Variants in MAP4K5 observed in about 807,000 individuals in gnomAD.
MAP4K5 encodes the protein MAPK/ERK kinase kinase kinase 5.
In MAP4K5, 82 loss-of-function variants were observed where a neutral mutation model predicts 135.6. The ratio of observed to expected loss-of-function variants is 0.60; its 90% CI spans 0.51 to 0.73. The LOEUF (loss-of-function observed/expected upper bound fraction) is 0.73. Among genes scored for constraint, MAP4K5 ranks in the 30% least tolerant of loss-of-function variants. The pLI, the probability that MAP4K5 is intolerant of heterozygous loss-of-function variation, is 0.00. For synonymous variants in MAP4K5, 347 were observed against 335.0 expected, an observed-to-expected ratio of 1.04 and a Z score of -0.39; for missense variants, 907 against 1,010.9, an observed-to-expected ratio of 0.90 and a Z score of 1.39.
At chr14:50,423,395 G>T (rs1470365688) in intron 31 of MAP4K5, among the ~76,000 whole-genome samples, 1 of 150,982 alleles carries the variant, frequency 6.6e-6, no homozygotes. Context: ...CTACTTAGAA[G>T]AACTCTTTGT....
chr14:50,560,157 A>G, intron 1 of MAP4K5: 1 of 1,340,076 alleles, frequency 7.5e-7, no homozygotes, highest in Non-Finnish European at 1.1e-6. Context: ...AGTCTGAGCG[A>G]ACTGCGCCCA....
intron 2 of MAP4K5, among the ~76,000 whole-genome samples, chr14:50,523,255 G>A (rs554829831): frequency 6.6e-6 from 1 of 152,148 alleles, no homozygotes; most frequent in African/African-American, 2.4e-5. Context: ...AGGTTGCGGT[G>A]AGCTGAGATC....
intron 2 of MAP4K5, among the ~76,000 whole-genome samples, chr14:50,539,148 A>T (rs1365983652): frequency 1.3e-5 from 2 of 152,244 alleles, no homozygotes; most frequent in African/African-American, 4.8e-5. Flanking sequence ...TTACTTGTAT[A>T]AACTACTTGC....
intron 14 of MAP4K5, among the ~76,000 whole-genome samples, chr14:50,452,896 T>C (rs192051516): frequency 3.3e-5 from 5 of 152,340 alleles, no homozygotes; most frequent in Admixed American, 3.3e-4. Context: ...CCAAGACCCA[T>C]GGAAAGATAA....
chr14:50,496,685 A>AT (rs2037601401), intron 3 of MAP4K5, among the ~76,000 whole-genome samples: 1 of 151,612 alleles, frequency 6.6e-6, no homozygotes, highest in Non-Finnish European at 1.5e-5. Context: ...ATTTTTAAAA[A>AT]TTTTTGTAAA....
At chr14:50,458,391 T>G (rs2036637498) in intron 13 of MAP4K5, among the ~76,000 whole-genome samples, 1 of 152,090 alleles carries the variant, frequency 6.6e-6, no homozygotes, top group South Asian at 2.1e-4. Context: ...AAAATCCTTC[T>G]CCAGCTTATT....
chr14:50,538,004 C>T (rs1465902725), intron 2 of MAP4K5, among the ~76,000 whole-genome samples: 7 of 152,148 alleles, frequency 4.6e-5, no homozygotes, highest in Admixed American at 4.6e-4. Context: ...AACGTGAGGA[C>T]ATGAGATTTG....
At chr14:50,446,147 A>G in intron 16 of MAP4K5, 26 bp from the exon 17 acceptor site, 1 of 1,498,264 alleles carries the variant, frequency 6.7e-7, no homozygotes, top group Non-Finnish European at 9.1e-7. Context: ...AATGCAATTT[A>G]GATGATGATA....
At chr14:50,473,716 CTTTTTTTTTTTT>C (rs398077753) in intron 9 of MAP4K5, among the ~76,000 whole-genome samples, 13 of 95,502 alleles carry the variant, frequency 1.4e-4, no homozygotes, top group African/African-American at 3.8e-4. Context: ...TTTGGTTTCA[CTTTTTTTTTTTT>C]TTTTTTTTTT....
At chr14:50,457,006 G>A (rs2036606814) in intron 13 of MAP4K5, among the ~76,000 whole-genome samples, 1 of 152,180 alleles carries the variant, frequency 6.6e-6, no homozygotes, top group South Asian at 2.1e-4. Flanking sequence ...TGAAGTACCA[G>A]TATGTACTGA....
At chr14:50,428,275 T>C (rs1274913489) in intron 30 of MAP4K5, among the ~76,000 whole-genome samples, 1 of 152,188 alleles carries the variant, frequency 6.6e-6, no homozygotes, top group East Asian at 1.9e-4. Flanking sequence ...TCTATCTTTT[T>C]TTTTTTTCTT....
At chr14:50,547,039 G>A (rs1223455086) in intron 1 of MAP4K5, among the ~76,000 whole-genome samples, 5 of 151,936 alleles carry the variant, frequency 3.3e-5, no homozygotes, top group African/African-American at 1.2e-4. Flanking sequence ...AGTGGGAGTT[G>A]AACAAAGAGA....
chr14:50,481,222 G>C (rs562131843), intron 6 of MAP4K5, among the ~76,000 whole-genome samples: 36 of 150,788 alleles, frequency 2.4e-4, no homozygotes, highest in African/African-American at 8.2e-4. Context: ...CAATGAAGTA[G>C]GTTTCTATGT....
chr14:50,427,711 A>C (rs1437138805), intron 30 of MAP4K5, among the ~76,000 whole-genome samples: 2 of 152,214 alleles, frequency 1.3e-5, no homozygotes, highest in African/African-American at 2.4e-5. Context: ...TGGGGAAGAT[A>C]CTGACATATG....
At chr14:50,481,541 T>C (rs925261459) in intron 6 of MAP4K5, among the ~76,000 whole-genome samples, 5 of 152,064 alleles carry the variant, frequency 3.3e-5, no homozygotes, top group Admixed American at 2.6e-4. Flanking sequence ...TAATTAACAA[T>C]TATCAGTTGT....
Position 50,425,895 on chromosome 14 carries a change from G to A in MAP4K5, c.2397+12C>T. On this transcript the variant is annotated intron_variant, in intron 31 of 32. Transcript: ENST00000682126. ...TAGTGGGAGTCAGTGGAGGTAATCT[G>A]AGAAGGCTTACCTCATCTGACTTGA... 6.3e-7 allele frequency: 1 copy of A among 1,595,280 alleles called. No individual in the cohort carries two copies. The highest frequency in any genetic ancestry group is 8.6e-7 in the Non-Finnish European group (1 of 1,165,162).
chr14:50,489,841 C>G lies in MAP4K5; in HGVS notation c.167-3647G>C, dbSNP rs117125322. Among the ~76,000 whole-genome samples the G allele has an allele frequency of 3.0e-3, 459 of 152,290 alleles. 18 individuals are homozygous for G. The East Asian group carries it at 0.067, about 22-fold the overall frequency. ...TCATAATAAAAGTGAAATATTAGAA[C>G]AAGAGGCCATGAATGACTATGGCTA... On this transcript the variant is annotated intron_variant, in intron 3 of 32. Coordinates refer to ENST00000682126, the MANE Select transcript of MAP4K5 (RefSeq NM_006575.6).
At chr14:50,538,091 G>C (rs560109330) in intron 2 of MAP4K5, among the ~76,000 whole-genome samples, 2 of 152,298 alleles carry the variant, frequency 1.3e-5, no homozygotes, top group South Asian at 4.1e-4. Context: ...ACGTGAGAGA[G>C]GGACCTGGTG....
intron 3 of MAP4K5, among the ~76,000 whole-genome samples, chr14:50,486,999 T>C (rs994354018): frequency 6.6e-6 from 1 of 152,160 alleles, no homozygotes; most frequent in Non-Finnish European, 1.5e-5. Flanking sequence ...ATAAACAAAA[T>C]CTTCACACAA....
Sources: gnomAD v4.1 joint callset for allele counts (sites outside exome capture counted in the v4.1 genomes callset) on GRCh38, gnomAD v4.1.1 for gene constraint, MANE v1.5 for transcripts, NCBI Gene and HGNC (gene_info 2026-07-23, HGNC 2026-07-21) for gene names.